The following ATP8B4 variants were observed in gnomAD, a reference collection of about 807,000 sequenced individuals.
ATP8B4 encodes ATPase phospholipid transporting 8B4 (putative), also known as probable phospholipid-transporting ATPase IM.
Under a neutral mutation model 145.6 loss-of-function variants are expected in ATP8B4, and 133 were observed. The observed-to-expected ratio is 0.91, with a 90% CI of 0.79 to 1.05. The LOEUF (loss-of-function observed/expected upper bound fraction) is 1.05. Among genes scored for constraint, ATP8B4 ranks in the 50% least tolerant of loss-of-function variants. The pLI is 0.00. For missense variants in ATP8B4, 1,458 were observed against 1,425.2 expected (o/e 1.02, Z -0.37); for synonymous variants, 507 against 492.9 (o/e 1.03, Z -0.38).
intron 1 of ATP8B4, among the ~76,000 whole-genome samples, chr15:50,147,762 C>G (rs192964294): frequency 6.6e-6 from 1 of 151,900 alleles, no homozygotes; most frequent in African/African-American, 2.4e-5. Context: ...TATACCCAAC[C>G]TTTAAAGGAG....
chr15:50,051,518 G>A (rs139509283), intron 3 of ATP8B4, among the ~76,000 whole-genome samples: 237 of 152,212 alleles, frequency 1.6e-3, no homozygotes, highest in Non-Finnish European at 2.0e-3. Context: ...ACTGAAAACC[G>A]TTCTGAAAGC....
chr15:49,901,021 T>C (rs1412392230), intron 21 of ATP8B4, 71 bp downstream of exon 21: 2 of 1,542,382 alleles, frequency 1.3e-6, no homozygotes, highest in Non-Finnish European at 1.8e-6. Flanking sequence ...GGAGGTCTCA[T>C]TATGATAGCA....
chr15:50,052,005 A>G (rs1420848797), intron 3 of ATP8B4, among the ~76,000 whole-genome samples: 2 of 152,242 alleles, frequency 1.3e-5, no homozygotes, highest in African/African-American at 4.8e-5. Context: ...TTGAATGGGA[A>G]CAAGGAACAA....
At chr15:50,166,949 T>C (rs940772846) in intron 1 of ATP8B4, among the ~76,000 whole-genome samples, 3 of 152,146 alleles carry the variant, frequency 2.0e-5, no homozygotes, top group Non-Finnish European at 4.4e-5. Flanking sequence ...CAGTAAGTGA[T>C]CCGTTAATTT....
rs952394137 is a variant in ATP8B4, at chr15:50,139,434, C to CG, written c.-42-32427dup. On this transcript the variant is annotated intron_variant, in intron 1 of 3. Coordinates refer to the ATP8B4 transcript ENST00000558829. ...GGGAACATCATACACCAGGGCCTGTCGGGGGGTTGGGGGCAAGGGGAGGGA... is the reference window on the plus strand; with the variant it reads ...GGGAACATCATACACCAGGGCCTGTCGGGGGGGTTGGGGGCAAGGGGAGGGA... 6.0e-5 allele frequency among the ~76,000 whole-genome samples: 9 copies of CG among 150,968 alleles called. No homozygotes were observed. The East Asian group carries it at 1.6e-3, about 26-fold the overall frequency.
intron 6 of ATP8B4, among the ~76,000 whole-genome samples, chr15:50,019,827 T>G (rs2049390328): frequency 6.6e-6 from 1 of 152,226 alleles, no homozygotes; most frequent in South Asian, 2.1e-4. Flanking sequence ...AGTTTTCCTC[T>G]TATTTCATTA....
chr15:49,985,199 C>A (rs1053981158), intron 10 of ATP8B4, among the ~76,000 whole-genome samples: 1 of 151,916 alleles, frequency 6.6e-6, no homozygotes, highest in African/African-American at 2.4e-5. Context: ...CAGGTTCATG[C>A]CATTCTCCTA....
intron 1 of ATP8B4, among the ~76,000 whole-genome samples, chr15:50,141,112 C>G (rs1595640267): frequency 6.6e-6 from 1 of 152,098 alleles, no homozygotes; most frequent in African/African-American, 2.4e-5. Flanking sequence ...TTCCTCTTTC[C>G]CCTTTTCTTA....
At chr15:50,102,037 A>T (rs1472564568) in intron 2 of ATP8B4, among the ~76,000 whole-genome samples, 1 of 151,780 alleles carries the variant, frequency 6.6e-6, no homozygotes, top group South Asian at 2.1e-4. Flanking sequence ...GAAATTCTTC[A>T]AACTGAACAA....
intron 9 of ATP8B4, among the ~76,000 whole-genome samples, chr15:49,989,295 A>G (rs111843795): frequency 0.019 from 2,828 of 152,270 alleles, 89 homozygotes; most frequent in African/African-American, 0.065. Flanking sequence ...TTCATTCTGA[A>G]TTGTAAAATC....
At chr15:50,134,988 C>T (rs2044102303) in intron 1 of ATP8B4, among the ~76,000 whole-genome samples, 1 of 152,162 alleles carries the variant, frequency 6.6e-6, no homozygotes, top group African/African-American at 2.4e-5. Context: ...TTTTTACTCT[C>T]ACAGCAGTAA....
At chr15:50,044,752 C>G in intron 4 of ATP8B4, 60 bp from the exon 5 acceptor site, 1 of 1,204,040 alleles carries the variant, frequency 8.3e-7, no homozygotes, top group Non-Finnish European at 1.2e-6. Flanking sequence ...ATCTTCCAAA[C>G]TGTGTCATTT....
At chr15:50,126,007 C>T (rs2057304588) in intron 1 of ATP8B4, among the ~76,000 whole-genome samples, 1 of 152,126 alleles carries the variant, frequency 6.6e-6, no homozygotes, top group South Asian at 2.1e-4. Context: ...TAACAAGAAT[C>T]CTTCTAGTGG....
At chr15:50,172,614 A>G (rs2044694637) in intron 1 of ATP8B4, among the ~76,000 whole-genome samples, 1 of 147,334 alleles carries the variant, frequency 6.8e-6, no homozygotes, top group South Asian at 2.2e-4. Flanking sequence ...ATCGTCTGGG[A>G]TGTGAGGAGC....
At chr15:50,039,895 A>G (rs566460566) in intron 5 of ATP8B4, among the ~76,000 whole-genome samples, 4 of 152,374 alleles carry the variant, frequency 2.6e-5, no homozygotes, top group African/African-American at 7.2e-5. Context: ...TATTACCAGT[A>G]AAAATAAGAA....
chr15:49,982,529 A>T (rs951782929), intron 10 of ATP8B4: 1 of 152,148 alleles, frequency 6.6e-6, no homozygotes, highest in Non-Finnish European at 1.5e-5. Context: ...TAGTACTTAG[A>T]TGGGAGACTG....
chr15:49,959,560 T>C (rs2043879314), intron 14 of ATP8B4, among the ~76,000 whole-genome samples: 1 of 152,066 alleles, frequency 6.6e-6, no homozygotes, highest in African/African-American at 2.4e-5. Flanking sequence ...GGTTATATAC[T>C]TGGAAACCCC....
intron 26 of ATP8B4, 88 bp downstream of exon 26, chr15:49,866,258 C>T (rs1468154158): frequency 1.0e-5 from 15 of 1,484,134 alleles, no homozygotes; most frequent in Middle Eastern, 1.9e-4. Flanking sequence ...ACTAATCATC[C>T]CCAGCTCTAC....
intron 14 of ATP8B4, among the ~76,000 whole-genome samples, chr15:49,953,737 C>T (rs1486528385): frequency 5.3e-5 from 8 of 152,320 alleles, no homozygotes; most frequent in Middle Eastern, 3.4e-3. Flanking sequence ...ACCCCTCCCT[C>T]GGGGAGTTCA....
Sources: allele counts gnomAD v4.1 joint callset (sites outside exome capture counted in the v4.1 genomes callset), GRCh38; gene constraint gnomAD v4.1.1; transcripts MANE v1.5; gene names NCBI Gene and HGNC (gene_info 2026-07-23, HGNC 2026-07-21).